The following CLEC17A variants were observed in gnomAD, a reference collection of about 807,000 sequenced individuals.
CLEC17A encodes C-type lectin domain containing 17A.
CLEC17A carries 37 observed loss-of-function variants against 61.3 expected under a neutral mutation model. The observed-to-expected ratio is 0.60, with a 90% CI of 0.46 to 0.79. The LOEUF is 0.79. Ranked by LOEUF, CLEC17A falls within the 30% of genes least tolerant of loss-of-function variation. The pLI is 0.00. For synonymous variants in CLEC17A, 168 were observed against 164.9 expected (o/e 1.02, Z -0.14); for missense variants, 418 against 464.7 (o/e 0.90, Z 0.92).
In CLEC17A at chr19:14,585,091, A is replaced by G. The variant is rs534191738; in HGVS notation, c.121+1657A>G. Reference sequence around the variant, plus strand: ...TCCCCTTCCATCCCTTCTCCTTTCAATCAAACCCTCAAAGAGACACACAGA... The same window carrying G: ...TCCCCTTCCATCCCTTCTCCTTTCAGTCAAACCCTCAAAGAGACACACAGA... On this transcript the variant is annotated intron_variant, in intron 2 of 13. Transcript: ENST00000417570. 1.1e-4 allele frequency among the ~76,000 whole-genome samples: 16 copies of G among 152,278 alleles called. No homozygotes were observed. In the East Asian group the frequency reaches 1.7e-3, roughly 17 times the overall value.
chr19:14,595,905 T>C (rs1394791756), intron 8 of CLEC17A, among the ~76,000 whole-genome samples: 6 of 142,540 alleles, frequency 4.2e-5, no homozygotes, highest in Non-Finnish European at 7.8e-5. Flanking sequence ...GTGGTGGTAG[T>C]GATGGTGTTG....
At chr19:14,583,474 G>T in intron 2 of CLEC17A, 40 bp downstream of exon 2, 1 of 1,611,742 alleles carries the variant, frequency 6.2e-7, no homozygotes. Flanking sequence ...GGGAATACAG[G>T]GAATGGGGTC....
intron 2 of CLEC17A, chr19:14,584,340 C>T (rs2074238527): frequency 6.6e-6 from 1 of 152,152 alleles, no homozygotes; most frequent in South Asian, 2.1e-4. Flanking sequence ...AGTGCGACTG[C>T]TCCTGTGAGT....
intron 2 of CLEC17A, among the ~76,000 whole-genome samples, chr19:14,586,915 A>C (rs1016150102): frequency 2.1e-5 from 3 of 145,982 alleles, no homozygotes; most frequent in African/African-American, 5.2e-5. Context: ...TTGAGACAGA[A>C]TCTCACTCTG....
chr19:14,604,791 C>T (rs1052725322), intron 12 of CLEC17A, among the ~76,000 whole-genome samples: 3 of 151,838 alleles, frequency 2.0e-5, no homozygotes, highest in African/African-American at 7.3e-5. Flanking sequence ...TTAAAGTCAC[C>T]AGATAACTTT....
chr19:14,604,167 A>G (rs2074794399), intron 12 of CLEC17A, among the ~76,000 whole-genome samples: 1 of 151,876 alleles, frequency 6.6e-6, no homozygotes, highest in South Asian at 2.1e-4. Context: ...CCGCTCTCTG[A>G]TTTTCTGACA....
intron 7 of CLEC17A, 40 bp from the exon 8 acceptor site, chr19:14,595,234 T>A: frequency 6.2e-7 from 1 of 1,610,710 alleles, no homozygotes; most frequent in East Asian, 2.2e-5. Flanking sequence ...ACAGAGTCTT[T>A]GGCATCTTCT....
intron 12 of CLEC17A, among the ~76,000 whole-genome samples, chr19:14,602,854 A>G (rs551520619): frequency 3.3e-5 from 5 of 150,746 alleles, no homozygotes; most frequent in African/African-American, 9.7e-5. Flanking sequence ...TCCCGCCTCA[A>G]CCTCCCGAGT....
In CLEC17A at chr19:14,610,765, C is replaced by T. The variant is rs949448271; in HGVS notation, c.*569C>T. 6.5e-6 allele frequency: 1 copy of T among 152,672 alleles called. No homozygotes were observed. Among genetic ancestry groups the T allele is most frequent in the Admixed American group, 6.5e-5 (1 of 15,320 alleles). 9.5% of individuals were successfully genotyped at this position (152,672 alleles called of 1,614,324 possible). ...CAAACTCCTTGCCTCAATGGATCCT[C>T]CTACTTGGGCTTCCCAAATTGTGAG... On this transcript the variant is annotated 3_prime_UTR_variant, in exon 14 of 14. Transcript: ENST00000417570.
chr19:14,608,728 G>A (rs1339954436), intron 13 of CLEC17A, among the ~76,000 whole-genome samples: 1 of 148,784 alleles, frequency 6.7e-6, no homozygotes, highest in Admixed American at 6.8e-5. Context: ...CTGCCTCCCA[G>A]GCTCAAGTGA....
chr19:14,581,597 G>T (rs1244417246), upstream of CLEC17A, among the ~76,000 whole-genome samples: 1 of 152,110 alleles, frequency 6.6e-6, no homozygotes, highest in Non-Finnish European at 1.5e-5. Flanking sequence ...CTCCCGAAGT[G>T]TTGGGATTAC....
intron 3 of CLEC17A, 85 bp from the exon 4 acceptor site, chr19:14,592,196 A>T (rs1372172196): frequency 2.1e-6 from 3 of 1,400,564 alleles, no homozygotes; most frequent in Non-Finnish European, 2.9e-6. Context: ...AATCCCCATC[A>T]TGGGGCAGCT....
Position 14,611,371 on chromosome 19 carries a change from CTTT to C in CLEC17A, c.*1197_*1199del, listed in dbSNP as rs71166767. Reference sequence around the variant, plus strand: ...AGACTTGGCCCGTGGAACTTCTATCCTTTTTTTTTTTTTTTTTTTTTTTTGAGA... The same window carrying C: ...AGACTTGGCCCGTGGAACTTCTATCCTTTTTTTTTTTTTTTTTTTTTGAGA... On this transcript the variant is annotated 3_prime_UTR_variant, in exon 14 of 14. Coordinates refer to ENST00000417570, the MANE Select transcript of CLEC17A (RefSeq NM_001204118.2). Among the ~76,000 whole-genome samples, 47 of 75,960 alleles carry C rather than the reference CTTT, an allele frequency of 6.2e-4. No homozygotes were observed. The highest frequency in any genetic ancestry group is 1.8e-3 in the African/African-American group (38 of 20,584). The allele number at this position is 75,960 out of a possible 152,430, so 49.8% of individuals were successfully genotyped here.
At chr19:14,592,158 C>T in intron 3 of CLEC17A, 123 bp from the exon 4 acceptor site, 1 of 1,313,994 alleles carries the variant, frequency 7.6e-7, no homozygotes, top group Non-Finnish European at 1.0e-6. Context: ...GGGCTGGGGC[C>T]CAGGTGTGGT....
At chr19:14,591,874 T>C (rs1224410844) in intron 3 of CLEC17A, among the ~76,000 whole-genome samples, 1 of 149,768 alleles carries the variant, frequency 6.7e-6, no homozygotes, top group African/African-American at 2.5e-5. Context: ...TTCTTCCGTG[T>C]GTGAATCCAA....
rs1423730251 is a variant in CLEC17A at position 14,606,991 on chromosome 19, A to G, written c.895-2A>G. Reference sequence around the variant, plus strand: ...CTGGCTGAATGGAATTTTTATTTGCAGAATTTTGTGGCCAAGGCCCATGGC... The same window carrying G: ...CTGGCTGAATGGAATTTTTATTTGCGGAATTTTGTGGCCAAGGCCCATGGC... On this transcript the variant is annotated splice_acceptor_variant, in intron 12 of 13. Coordinates refer to ENST00000417570, the MANE Select transcript of CLEC17A (RefSeq NM_001204118.2). LOFTEE classifies it high-confidence loss of function. 1 of 1,275,522 alleles carries G rather than the reference A, an allele frequency of 7.8e-7. No individual in the cohort carries two copies. Among genetic ancestry groups the G allele is most frequent in the Non-Finnish European group, 9.9e-7 (1 of 1,006,134 alleles). 79.0% of individuals were successfully genotyped at this position (1,275,522 alleles called of 1,614,324 possible).
chr19:14,593,941 G>A (rs2074482911), intron 4 of CLEC17A, among the ~76,000 whole-genome samples: 1 of 150,728 alleles, frequency 6.6e-6, no homozygotes, highest in Admixed American at 6.6e-5. Context: ...CAGCCTGGGA[G>A]ACAGAGAGAG....
intron 12 of CLEC17A, 122 bp downstream of exon 12, chr19:14,600,304 C>CT (rs2074671868): frequency 1.7e-6 from 2 of 1,183,876 alleles, no homozygotes; most frequent in African/African-American, 1.5e-5. Context: ...GTTACTAAAA[C>CT]TTTAACAGCA....
chr19:14,607,549 T>A (rs10421828), intron 13 of CLEC17A, among the ~76,000 whole-genome samples: 6,753 of 127,164 alleles, frequency 0.053, 521 homozygotes, highest in African/African-American at 0.2. Context: ...TATTTTATTT[T>A]ATTATTTATT....
Sources: gnomAD v4.1 joint callset for allele counts (sites outside exome capture counted in the v4.1 genomes callset) on GRCh38, gnomAD v4.1.1 for gene constraint, MANE v1.5 for transcripts, NCBI Gene and HGNC (gene_info 2026-07-23, HGNC 2026-07-21) for gene names.